CFAP74: variants seen among roughly 807,000 people sequenced by gnomAD.
CFAP74 encodes the protein cilia and flagella associated protein 74, also known as cilia- and flagella-associated protein 74.
CFAP74 carries 124 observed loss-of-function variants against 188.9 expected under a neutral mutation model. That is an observed-to-expected ratio of 0.66 (90% CI 0.57 to 0.76). CFAP74 has a LOEUF of 0.76. CFAP74 is among the 30% of genes least tolerant of loss of function. The probability of loss-of-function intolerance (pLI) is 0.00; values close to 1 mark genes in which losing one functional copy is unlikely to be tolerated. For synonymous variants in CFAP74, 956 were observed against 916.7 expected (o/e 1.04, Z -0.77); for missense variants, 2,198 against 2,165.2 (o/e 1.02, Z -0.30).
intron 26 of CFAP74, among the ~76,000 whole-genome samples, chr1:1,929,339 T>C (rs1343838457): frequency 1.4e-3 from 2 of 1,414 alleles, no homozygotes; most frequent in Non-Finnish European, 2.4e-3. Flanking sequence ...CAGTGTGCAG[T>C]ATGGGGTTGG....
intron 5 of CFAP74, among the ~76,000 whole-genome samples, chr1:1,985,696 CA>C (rs1275635526): frequency 6.6e-6 from 1 of 152,248 alleles, no homozygotes; most frequent in East Asian, 1.9e-4. Flanking sequence ...GGCACAGCCC[CA>C]GGGGGAGTGA....
chr1:1,922,436 C>A, intron 38 of CFAP74, 48 bp from the exon 39 acceptor site: 1 of 1,567,244 alleles, frequency 6.4e-7, no homozygotes, highest in South Asian at 1.1e-5. Flanking sequence ...AGTGGGCACC[C>A]AGAGGAGATC....
chr1:1,929,946 G>C, intron 26 of CFAP74, 114 bp downstream of exon 26: 1 of 1,223,540 alleles, frequency 8.2e-7, no homozygotes, highest in South Asian at 1.6e-5. Flanking sequence ...TCCCGCCCCT[G>C]TTCTCCGGGT....
chr1:1,965,139 GTAGCGGT>G, intron 12 of CFAP74, 78 bp from the exon 13 acceptor site: 1 of 1,427,100 alleles, frequency 7.0e-7, no homozygotes, highest in Non-Finnish European at 9.5e-7. Flanking sequence ...GGAGGCGAGG[GTAGCGGT>G]TAGCAGAGCA....
At chr1:1,931,792 G>T (rs1288520167) in intron 25 of CFAP74, among the ~76,000 whole-genome samples, 2 of 151,030 alleles carry the variant, frequency 1.3e-5, no homozygotes, top group African/African-American at 2.4e-5. Context: ...GCTGGGCGCG[G>T]TGACTCACGC....
intron 26 of CFAP74, 120 bp from the exon 27 acceptor site, chr1:1,929,002 A>G: frequency 1.5e-6 from 1 of 647,000 alleles, no homozygotes. Context: ...CCCCCTTGAG[A>G]TTTCAGGCTG....
At chr1:1,959,779 G>T (rs1027419462) in intron 15 of CFAP74, among the ~76,000 whole-genome samples, 185 bp downstream of exon 15, 3 of 152,238 alleles carry the variant, frequency 2.0e-5, no homozygotes, top group Admixed American at 2.0e-4. Context: ...CCGCGGTTCT[G>T]CCCAGCATTC....
rs1245681801 is a variant in CFAP74, at chr1:1,934,897, ACACGTGTGTACG to A, written c.3011+3946_3011+3957del. Among the ~76,000 whole-genome samples, 54 of 55,474 alleles carry A rather than the reference ACACGTGTGTACG, an allele frequency of 9.7e-4. 4 individuals carry two copies. Among genetic ancestry groups the A allele is most frequent in the African/African-American group, 3.3e-3 (51 of 15,640 alleles). 36.4% of individuals were successfully genotyped at this position (55,474 alleles called of 152,430 possible). A position where few individuals can be genotyped will look rare whatever the true frequency, so the allele number is the denominator to read the frequency against. On this transcript the variant is annotated intron_variant, in intron 25 of 38. Coordinates refer to ENST00000682832, the MANE Select transcript of CFAP74 (RefSeq NM_001304360.2). ...TGCGTGGGTGTTAGGTTGTAGGTAC[ACACGTGTGTACG>A]TGGGTGTTAGGTTGTAGGTACACAG...
In CFAP74 at chr1:1,988,804, G is replaced by GC. The variant is rs1387727690; in HGVS notation, c.152+84dup. ...AGCCTGTGGGAGGGAGGAAGCAGCCGCCCCGCTCCCTTCACCCACCCCCCC... is the reference window on the plus strand; with the variant it reads ...AGCCTGTGGGAGGGAGGAAGCAGCCGCCCCCGCTCCCTTCACCCACCCCCCC... On this transcript the variant is annotated intron_variant, in intron 3 of 38. Coordinates refer to ENST00000682832, the MANE Select transcript of CFAP74 (RefSeq NM_001304360.2). 4.1e-6 allele frequency: 4 copies of GC among 971,604 alleles called. No homozygotes were observed. In the African/African-American group the frequency reaches 6.7e-5, roughly 16 times the overall value. 60.2% of individuals were successfully genotyped at this position (971,604 alleles called of 1,614,324 possible). A position where few individuals can be genotyped will look rare whatever the true frequency, so the allele number is the denominator to read the frequency against.
Position 1,968,791 on chromosome 1 carries a change from G to A in CFAP74, c.1089C>T (p.Ile363=). ...EEQKLRKQEI[I]SRILKEEAEE... Reference sequence around the variant, plus strand: ...CAGCCTCCTCTTTCAGAATCCGACTGATGATCTCCTGCTTTCTGAGCTTCT... The same window carrying A: ...CAGCCTCCTCTTTCAGAATCCGACTAATGATCTCCTGCTTTCTGAGCTTCT... Residue 363 remains isoleucine, a synonymous_variant, in exon 11 of 39, where the codon ATC becomes ATT. Transcript: ENST00000682832. The surrounding 1 kb of genome is among the most constrained non-coding windows in gnomAD (Gnocchi z 4.3). 6.2e-7 allele frequency: 1 copy of A among 1,614,068 alleles called. No individual in the cohort carries two copies. The highest frequency in any genetic ancestry group is 2.2e-5 in the East Asian group (1 of 44,874).
In CFAP74 at chr1:1,939,711, G is replaced by A; in HGVS notation, c.2760C>T (p.Leu920=). The change falls in exon 24 of 39, where the codon CTC becomes CTT. Residue 920 remains leucine (L), a synonymous_variant. Coordinates refer to ENST00000682832, the MANE Select transcript of CFAP74 (RefSeq NM_001304360.2). ...HAIVTTSDLE[L]SPSEVDFGYC... ...AGCCAAAATCCACCTCCGAGGGACT[G>A]AGCTCCAGGTCCGAGGTGGTGACAA... 1 of 1,536,116 alleles carries A rather than the reference G, an allele frequency of 6.5e-7. No homozygotes were observed. Among genetic ancestry groups the A allele is most frequent in the Non-Finnish European group, 8.7e-7 (1 of 1,146,880 alleles).
rs547188104 is a variant in CFAP74, at chr1:1,971,083, T to G, written c.889-267A>C. On this transcript the variant is annotated intron_variant, in intron 9 of 38. Transcript: ENST00000682832. ...CTCACACACGCACACCTGCACACAC[T>G]CATACATGCACACCTGCACACGTGT... Among the ~76,000 whole-genome samples, 89 of 120,140 alleles carry G rather than the reference T, an allele frequency of 7.4e-4. 1 individual carries two copies. The East Asian group carries it at 0.021, about 28-fold the overall frequency. 78.8% of individuals were successfully genotyped at this position (120,140 alleles called of 152,430 possible).
In CFAP74 at chr1:1,997,100, G is replaced by A. The variant is rs560527694; in HGVS notation, c.-19-6125C>T. On this transcript the variant is annotated intron_variant, in intron 1 of 38. Transcript: ENST00000682832. Reference sequence around the variant, plus strand: ...AAAACCACTTCTCAGTATTCATCACGTCCCCAGCCAGAACAATCAGATGTA... The same window carrying A: ...AAAACCACTTCTCAGTATTCATCACATCCCCAGCCAGAACAATCAGATGTA... Among the ~76,000 whole-genome samples the A allele has an allele frequency of 3.9e-5, 6 of 152,010 alleles. No individual in the cohort carries two copies. The South Asian group carries it at 8.3e-4, about 21-fold the overall frequency.
At chr1:1,934,242 G>A (rs560837491) in intron 25 of CFAP74, among the ~76,000 whole-genome samples, 1 of 152,326 alleles carries the variant, frequency 6.6e-6, no homozygotes, top group East Asian at 1.9e-4. Context: ...AGGTACACAC[G>A]TGTGTACGTG....
At chr1:1,958,945 G>A (rs1056716822) in intron 16 of CFAP74, among the ~76,000 whole-genome samples, 175 bp downstream of exon 16, 7 of 152,074 alleles carry the variant, frequency 4.6e-5, no homozygotes, top group African/African-American at 1.4e-4. Flanking sequence ...CCTAAGGTTC[G>A]GCTCAGGCCC....
rs376600460 is a variant in CFAP74, at chr1:1,944,638, G to A, written c.2365-186C>T. 2.0e-4 allele frequency among the ~76,000 whole-genome samples: 31 copies of A among 152,226 alleles called. No individual in the cohort carries two copies. In the South Asian group the frequency reaches 4.1e-3, roughly 20 times the overall value. On this transcript the variant is annotated intron_variant, in intron 20 of 38. Transcript: ENST00000682832. Reference sequence around the variant, plus strand: ...TTCTTTTTTTTTGAGACGGAGTCTCGCTCTGTCGCCCAGGCTGGAGTGCAA... The same window carrying A: ...TTCTTTTTTTTTGAGACGGAGTCTCACTCTGTCGCCCAGGCTGGAGTGCAA...
At chr1:1,995,705 C>G (rs189041301) in intron 1 of CFAP74, among the ~76,000 whole-genome samples, 3 of 150,864 alleles carry the variant, frequency 2.0e-5, no homozygotes, top group African/African-American at 4.9e-5. Flanking sequence ...GTCAGGAGAT[C>G]GAGACCATCC....
chr1:1,935,147 GTTAGGT>G lies in CFAP74; in HGVS notation c.3011+3702_3011+3707del, dbSNP rs1426482090. 1.0e-4 allele frequency among the ~76,000 whole-genome samples: 9 copies of G among 87,756 alleles called. 2 individuals carry two copies. The highest frequency in any genetic ancestry group is 1.7e-4 in the Non-Finnish European group (7 of 41,528). The allele number at this position is 87,756 out of a possible 152,430, so 57.6% of individuals were successfully genotyped here. A position where few individuals can be genotyped will look rare whatever the true frequency, so the allele number is the denominator to read the frequency against. On this transcript the variant is annotated intron_variant, in intron 25 of 38. Coordinates refer to ENST00000682832, the MANE Select transcript of CFAP74 (RefSeq NM_001304360.2). ...TAGGTACACACGTGTGTACGTGGGT[GTTAGGT>G]TGTAGGTACACACGTGTGTACGTGG...
chr1:1,966,404 A>G lies in CFAP74; in HGVS notation c.1368T>C (p.Ser456=), dbSNP rs779971499. ...EEETLAEPEI[S]GLWNEDYKPY... ...GCTTGTAGTCTTCATTCCAAAGCCC[A>G]GAGATCTCGGGCTCAGCTAACGTTT... The change falls in exon 12 of 39, where the codon TCT becomes TCC. Residue 456 remains serine (S), a synonymous_variant. Coordinates refer to ENST00000682832, the MANE Select transcript of CFAP74 (RefSeq NM_001304360.2). 31 of 1,596,504 alleles carry G rather than the reference A, an allele frequency of 1.9e-5. No individual in the cohort carries two copies. The Admixed American group carries it at 5.0e-4, about 26-fold the overall frequency.
Sources: allele counts gnomAD v4.1 joint callset (sites outside exome capture counted in the v4.1 genomes callset), GRCh38; gene constraint gnomAD v4.1.1; non-coding constraint Gnocchi (gnomAD v3.1); transcripts MANE v1.5; gene names NCBI Gene and HGNC (gene_info 2026-07-23, HGNC 2026-07-21).